UNC5B: variants seen among roughly 807,000 people sequenced by gnomAD.
UNC5B encodes the protein netrin receptor UNC5B.
In UNC5B, 56 loss-of-function variants were observed where a neutral mutation model predicts 103.7. The ratio of observed to expected loss-of-function variants is 0.54; its 90% CI spans 0.44 to 0.67. The LOEUF (loss-of-function observed/expected upper bound fraction) is 0.67. Among genes scored for constraint, UNC5B ranks in the 30% least tolerant of loss-of-function variants. UNC5B has a pLI of 0.00. For missense variants in UNC5B, 1,194 were observed against 1,284.5 expected (o/e 0.93, Z 1.08); for synonymous variants, 577 against 542.0 (o/e 1.06, Z -0.90).
At chr10:71,275,612 C>G (rs1170494613) in intron 1 of UNC5B, among the ~76,000 whole-genome samples, 1 of 152,140 alleles carries the variant, frequency 6.6e-6, no homozygotes, top group Non-Finnish European at 1.5e-5. Flanking sequence ...CCTAGCGGTG[C>G]CACTTACTAG....
chr10:71,243,313 C>A (rs973588608), intron 1 of UNC5B, among the ~76,000 whole-genome samples: 2 of 152,066 alleles, frequency 1.3e-5, no homozygotes, highest in Admixed American at 6.5e-5. Context: ...GATCAGTTTC[C>A]CCATCTGTGC....
intron 8 of UNC5B, among the ~76,000 whole-genome samples, chr10:71,289,638 G>A (rs964102918): frequency 3.3e-5 from 5 of 152,362 alleles, no homozygotes; most frequent in African/African-American, 1.2e-4. Flanking sequence ...CCTCGGCCGA[G>A]CTCACTGGGG....
chr10:71,232,239 G>A (rs1408734340), intron 1 of UNC5B, among the ~76,000 whole-genome samples: 11 of 152,252 alleles, frequency 7.2e-5, no homozygotes, highest in Non-Finnish European at 1.0e-4. Flanking sequence ...CAAGCCAGCT[G>A]AGCTGTGTCA....
rs565494658 is a variant in UNC5B at position 71,284,987 on chromosome 10, G to A, written c.448+124G>A. On this transcript the variant is annotated intron_variant, in intron 3 of 16. Transcript: ENST00000335350. ...TCCCTGGCTGAGGATGCCCACGGCA[G>A]AGACATCCCAGCACATGGATGCCAG... 1.2e-5 allele frequency: 16 copies of A among 1,391,162 alleles called. No individual in the cohort carries two copies. The African/African-American group carries it at 2.3e-4, about 20-fold the overall frequency. 86.2% of individuals were successfully genotyped at this position (1,391,162 alleles called of 1,614,324 possible).
chr10:71,286,752 A>G lies in UNC5B; in HGVS notation c.616A>G (p.Ile206Val). The G allele has an allele frequency of 6.2e-7, 1 of 1,614,170 alleles. No individual in the cohort carries two copies. Among genetic ancestry groups the G allele is most frequent in the South Asian group, 1.1e-5 (1 of 91,074 alleles). ...PTQDTNFLLT[I>V]DHNLIIRQAR... Reference sequence around the variant, plus strand: ...CCAGGACACCAACTTCCTGCTCACCATCGACCACAACCTCATCATCCGCCA... The same window carrying G: ...CCAGGACACCAACTTCCTGCTCACCGTCGACCACAACCTCATCATCCGCCA... Residue 206 changes from isoleucine (I) to valine (V), a missense_variant, in exon 5 of 17, where the codon ATC (isoleucine) becomes GTC (valine). Coordinates refer to ENST00000335350, the MANE Select transcript of UNC5B (RefSeq NM_170744.5).
At position 71,288,798 on chromosome 10, in the gene UNC5B, C is replaced by T. The variant is rs1845163540; in HGVS notation, c.1066+66C>T. 2.6e-6 allele frequency: 4 copies of T among 1,542,992 alleles called. No individual in the cohort carries two copies. The East Asian group carries it at 9.3e-5, about 36-fold the overall frequency. ...TGGAGCCATGTAAGGGTCCCCCAAA[C>T]CCGGCCCCATGCCTCAGTGCCCAGC... On this transcript the variant is annotated intron_variant, in intron 7 of 16. Transcript: ENST00000335350.
chr10:71,239,300 A>G (rs547925914), intron 1 of UNC5B, among the ~76,000 whole-genome samples: 2 of 152,288 alleles, frequency 1.3e-5, no homozygotes, highest in South Asian at 2.1e-4. Context: ...ATAAAGGAAC[A>G]TTAACAGAGG....
In UNC5B at chr10:71,268,344, T is replaced by C. The variant is rs192692866; in HGVS notation, c.80-11477T>C. Among the ~76,000 whole-genome samples the C allele has an allele frequency of 1.3e-3, 202 of 152,372 alleles. 1 individual carries two copies. The highest frequency in any genetic ancestry group is 4.7e-3 in the African/African-American group (195 of 41,584). ...CACTCCTTTTTCTCTGTCCTTTCTG[T>C]GACTTCTTTTATGCCAGTGTGATGC... On this transcript the variant is annotated intron_variant, in intron 1 of 16. Transcript: ENST00000335350.
rs1491567727 is a variant in UNC5B at position 71,213,676 on chromosome 10, ATT to A, written c.79+613_79+614del. Among the ~76,000 whole-genome samples, 1 of 26,556 alleles carries A rather than the reference ATT, an allele frequency of 3.8e-5. No individual in the cohort carries two copies. The highest frequency in any genetic ancestry group is 1.5e-4 in the African/African-American group (1 of 6,612). 17.4% of individuals were successfully genotyped at this position (26,556 alleles called of 152,430 possible). A position where few individuals can be genotyped will look rare whatever the true frequency, so the allele number is the denominator to read the frequency against. Reference sequence around the variant, plus strand: ...TCGCTGGGCCCGCAGGTCTGGAAGAATTATTATTATTATTATTATTATTATTA... The same window carrying A: ...TCGCTGGGCCCGCAGGTCTGGAAGAAATTATTATTATTATTATTATTATTA... On this transcript the variant is annotated intron_variant, in intron 1 of 16. Transcript: ENST00000335350. The surrounding 1 kb of genome is among the most constrained non-coding windows in gnomAD (Gnocchi z 4.1).
chr10:71,301,172 T>C lies in UNC5B; in HGVS notation c.*1895T>C, dbSNP rs1220807467. 6.6e-6 allele frequency: 1 copy of C among 152,284 alleles called. No individual in the cohort carries two copies. The highest frequency in any genetic ancestry group is 6.5e-5 in the Admixed American group (1 of 15,286). The allele number at this position is 152,284 out of a possible 1,614,324, so 9.4% of individuals were successfully genotyped here. A position where few individuals can be genotyped will look rare whatever the true frequency, so the allele number is the denominator to read the frequency against. On this transcript the variant is annotated 3_prime_UTR_variant, in exon 17 of 17. Transcript: ENST00000335350. ...GTCTCCGAGCAGCCACTGGGACCCG[T>C]CTCAGCACATCCTGGCCTTTGAAAG...
intron 11 of UNC5B, 53 bp downstream of exon 11, chr10:71,292,607 C>T: frequency 6.6e-7 from 1 of 1,512,436 alleles, no homozygotes; most frequent in South Asian, 1.2e-5. Flanking sequence ...CCCTTGCTGC[C>T]TGCCCACACG....
At chr10:71,222,901 G>A (rs1843480120) in intron 1 of UNC5B, among the ~76,000 whole-genome samples, 2 of 152,218 alleles carry the variant, frequency 1.3e-5, no homozygotes, top group Admixed American at 6.5e-5. Flanking sequence ...GGACACCCAT[G>A]CAGGATGCAG....
chr10:71,279,832 GGCAGCGAGGTGC>G lies in UNC5B; in HGVS notation c.92_103del (p.Gly31_Leu35delinsVal). 1 of 1,613,222 alleles carries G rather than the reference GGCAGCGAGGTGC, an allele frequency of 6.2e-7. No homozygotes were observed. The highest frequency in any genetic ancestry group is 1.1e-5 in the South Asian group (1 of 91,040). On this transcript the variant is annotated inframe_deletion, in exon 2 of 17. Transcript: ENST00000335350. Reference sequence around the variant, plus strand: ...CACTCACTCTGCAGGCACTGATTCTGGCAGCGAGGTGCTCCCTGACTCCTTCCCGTCAGCGCC... The same window carrying G: ...CACTCACTCTGCAGGCACTGATTCTGTCCCTGACTCCTTCCCGTCAGCGCC...
At chr10:71,224,364 GACACAC>G (rs58378731) in intron 1 of UNC5B, among the ~76,000 whole-genome samples, 6,005 of 97,248 alleles carry the variant, frequency 0.062, 359 homozygotes, top group East Asian at 0.15. Flanking sequence ...TCTGTATGTA[GACACAC>G]ACACACACAC....
At chr10:71,257,193 C>A (rs933351831) in intron 1 of UNC5B, among the ~76,000 whole-genome samples, 7 of 152,150 alleles carry the variant, frequency 4.6e-5, no homozygotes. Context: ...GGGGTGAGCA[C>A]CCCCGGATCC....
intron 1 of UNC5B, among the ~76,000 whole-genome samples, chr10:71,263,441 G>A (rs1331084846): frequency 6.6e-6 from 1 of 152,166 alleles, no homozygotes; most frequent in African/African-American, 2.4e-5. Context: ...CGGGGGAGGG[G>A]GCCAGAGAGC....
At chr10:71,245,103 C>T (rs1211924277) in intron 1 of UNC5B, among the ~76,000 whole-genome samples, 1 of 152,200 alleles carries the variant, frequency 6.6e-6, no homozygotes, top group African/African-American at 2.4e-5. Flanking sequence ...TCCCCGGGCT[C>T]CCTTCTCTGA....
rs1035782927 is a variant in UNC5B, at chr10:71,251,795, C to T, written c.80-28026C>T. ...TCTCAGTGCCACAGGCTGAAGCACACACAGGGAAGAATTGAGGATATTTAT... is the reference window on the plus strand; with the variant it reads ...TCTCAGTGCCACAGGCTGAAGCACATACAGGGAAGAATTGAGGATATTTAT... On this transcript the variant is annotated intron_variant, in intron 1 of 16. Coordinates refer to ENST00000335350, the MANE Select transcript of UNC5B (RefSeq NM_170744.5). Among the ~76,000 whole-genome samples, 4 of 152,202 alleles carry T rather than the reference C, an allele frequency of 2.6e-5. No individual in the cohort carries two copies. The East Asian group carries it at 7.7e-4, about 29-fold the overall frequency.
chr10:71,300,018 A>G lies in UNC5B; in HGVS notation c.*741A>G, dbSNP rs1845550580. 7.1e-6 allele frequency: 1 copy of G among 140,896 alleles called. No homozygotes were observed. Among genetic ancestry groups the G allele is most frequent in the Admixed American group, 7.0e-5 (1 of 14,336 alleles). The allele number at this position is 140,896 out of a possible 1,614,324, so 8.7% of individuals were successfully genotyped here. A position where few individuals can be genotyped will look rare whatever the true frequency, so the allele number is the denominator to read the frequency against. On this transcript the variant is annotated 3_prime_UTR_variant, in exon 17 of 17. Coordinates refer to ENST00000335350, the MANE Select transcript of UNC5B (RefSeq NM_170744.5). ...GGGCACGCTCACACTTCTGGCCAGG[A>G]GTGAATGTGCCTGTGTGTGTGTGTG... is the stretch of plus-strand genomic sequence containing the variant.
Sources: gnomAD v4.1 joint callset for allele counts (sites outside exome capture counted in the v4.1 genomes callset) on GRCh38, gnomAD v4.1.1 for gene constraint, Gnocchi (gnomAD v3.1) non-coding constraint, MANE v1.5 for transcripts, NCBI Gene and HGNC (gene_info 2026-07-23, HGNC 2026-07-21) for gene names.